ATP9A: variants seen among roughly 807,000 people sequenced by gnomAD.
ATP9A encodes probable phospholipid-transporting ATPase IIA.
ATP9A carries 52 observed loss-of-function variants against 144.1 expected under a neutral mutation model. The ratio of observed to expected loss-of-function variants is 0.36; its 90% confidence interval spans 0.29 to 0.45. ATP9A has a LOEUF of 0.45. Ranked by LOEUF, ATP9A falls within the 20% of genes least tolerant of loss-of-function variation. The pLI is 1.00. For missense variants in ATP9A, 947 were observed against 1,392.7 expected (o/e 0.68, Z 5.09); for synonymous variants, 582 against 557.4 (o/e 1.04, Z -0.62).
At chr20:51,713,975 C>T (rs765228663) in intron 3 of ATP9A, among the ~76,000 whole-genome samples, 4 of 151,620 alleles carry the variant, frequency 2.6e-5, no homozygotes, top group Non-Finnish European at 2.9e-5. Flanking sequence ...GGCTCGATCT[C>T]GGCTCACTGC....
chr20:51,756,482 G>A (rs2077856813), intron 1 of ATP9A, among the ~76,000 whole-genome samples: 1 of 151,978 alleles, frequency 6.6e-6, no homozygotes, highest in African/African-American at 2.4e-5. Context: ...GTAGAGATGG[G>A]ATATCACCAT....
rs2077183645 is a variant in ATP9A at position 51,611,216 on chromosome 20, C to T, written c.2572-1051G>A. On this transcript the variant is annotated intron_variant, in intron 23 of 27. Coordinates refer to ENST00000338821, the MANE Select transcript of ATP9A (RefSeq NM_006045.3). The surrounding 1 kb of genome is among the most constrained non-coding windows in gnomAD (Gnocchi z 4.2). ...ACCTTCAATGGACACAGAGAGAAAG[C>T]ATGTAAGAAACACGTGCTTTCTCGG... Among the ~76,000 whole-genome samples the T allele has an allele frequency of 2.0e-5, 3 of 152,200 alleles. No homozygotes were observed. Among genetic ancestry groups the T allele is most frequent in the African/African-American group, 7.2e-5 (3 of 41,452 alleles).
intron 10 of ATP9A, among the ~76,000 whole-genome samples, chr20:51,675,551 C>T (rs958019083): frequency 2.0e-5 from 3 of 152,146 alleles, no homozygotes; most frequent in African/African-American, 7.2e-5. Context: ...AAACACAAGG[C>T]GTGCAAACCG....
At chr20:51,648,113 C>A (rs1741525672) in intron 14 of ATP9A, among the ~76,000 whole-genome samples, 1 of 152,224 alleles carries the variant, frequency 6.6e-6, no homozygotes, top group Non-Finnish European at 1.5e-5. Flanking sequence ...CGAGCTCATT[C>A]ATGCACACAT....
chr20:51,601,803 G>A lies in ATP9A; in HGVS notation c.3008-456C>T, dbSNP rs559551543. Among the ~76,000 whole-genome samples the A allele has an allele frequency of 2.0e-5, 3 of 152,276 alleles. 1 individual carries two copies. In the South Asian group the frequency reaches 6.2e-4, roughly 32 times the overall value. ...TGCCTATAGTCCCAGCTGTTCAGGA[G>A]GCTGAGGTGGGAGGATCATCTGAGC... On this transcript the variant is annotated intron_variant, in intron 27 of 27. Transcript: ENST00000338821.
Position 51,597,342 on chromosome 20 carries a change from T to C in ATP9A, c.*3869A>G, listed in dbSNP as rs2077123434. 1 of 152,208 alleles carries C rather than the reference T, an allele frequency of 6.6e-6. No individual in the cohort carries two copies. The highest frequency in any genetic ancestry group is 2.4e-5 in the African/African-American group (1 of 41,450). 9.4% of individuals were successfully genotyped at this position (152,208 alleles called of 1,614,324 possible). On this transcript the variant is annotated 3_prime_UTR_variant, in exon 28 of 28. Transcript: ENST00000338821. The stretch of plus-strand genomic sequence containing the variant: ...AACTGGACATAATTCATGGGAATAT[T>C]TTAAGTATATATAAGTGGCAAAAAA...
chr20:51,610,189 G>A (rs1229463465), intron 23 of ATP9A, 24 bp from the exon 24 acceptor site: 1 of 1,562,224 alleles, frequency 6.4e-7, no homozygotes, highest in Non-Finnish European at 8.8e-7. Context: ...AGAGGAGGAT[G>A]TCACCAAAAG....
In ATP9A at chr20:51,604,871, G is replaced by T; in HGVS notation, c.2953C>A (p.Leu985Met). ...GCGATGTAGCAGGCCAGGCTGAGCA[G>T]CTCCGCCACTGTCATGAGCCAGTGC... The part of the protein sequence containing the change: ...TWHWLMTVAE[L>M]LSLACYIASL... The change falls in exon 27 of 28, where the codon CTG becomes ATG. Residue 985 changes from leucine (L) to methionine (M), a missense_variant. Leu to Met is a conservative substitution (Grantham distance 15, BLOSUM62 2). Around this residue, in one of 2 missense-constraint regions of ATP9A, gnomAD observed 177 missense variants for 344.9 expected, o/e 0.51. Transcript: ENST00000338821. 1 of 1,592,798 alleles carries T rather than the reference G, an allele frequency of 6.3e-7. No homozygotes were observed. Among genetic ancestry groups the T allele is most frequent in the Non-Finnish European group, 8.6e-7 (1 of 1,169,102 alleles).
chr20:51,719,748 G>T (rs917037516), intron 3 of ATP9A, among the ~76,000 whole-genome samples: 3 of 92,048 alleles, frequency 3.3e-5, no homozygotes, highest in African/African-American at 3.0e-5. Context: ...AAAAAAAAGG[G>T]GGGGGAAGAA....
At chr20:51,713,198 C>T (rs906217309) in intron 3 of ATP9A, 124 bp from the exon 4 acceptor site, 6 of 805,138 alleles carry the variant, frequency 7.5e-6, no homozygotes, top group Non-Finnish European at 1.2e-5. Flanking sequence ...GGGGCAGGAC[C>T]TGTGAGTTAT....
intron 9 of ATP9A, among the ~76,000 whole-genome samples, chr20:51,679,836 G>A (rs562740946): frequency 3.3e-5 from 5 of 152,294 alleles, no homozygotes; most frequent in South Asian, 2.1e-4. Flanking sequence ...GAGAATCAGC[G>A]TTTGGAAATT....
chr20:51,727,927 T>G (rs1270099377), intron 2 of ATP9A, among the ~76,000 whole-genome samples: 1 of 22,136 alleles, frequency 4.5e-5, no homozygotes. Context: ...GGAGACTCAG[T>G]CTCAAAAAAA....
At chr20:51,689,272 C>T in intron 8 of ATP9A, 133 bp from the exon 9 acceptor site, 5 of 800,510 alleles carry the variant, frequency 6.2e-6, no homozygotes, top group South Asian at 3.5e-5. Context: ...GTTTGGAAGC[C>T]GACGGCTCCA....
chr20:51,712,585 G>C (rs141829700), intron 4 of ATP9A, among the ~76,000 whole-genome samples: 57 of 152,336 alleles, frequency 3.7e-4, no homozygotes, highest in African/African-American at 1.4e-3. Context: ...ACTGCCAAAA[G>C]AGTATCTTTG....
chr20:51,745,114 T>TA (rs1440625223), intron 1 of ATP9A, among the ~76,000 whole-genome samples: 3 of 152,050 alleles, frequency 2.0e-5, no homozygotes, highest in Non-Finnish European at 4.4e-5. Flanking sequence ...CCGTCTCTAC[T>TA]AAAAATACAA....
At chr20:51,749,143 T>A (rs1024737520) in intron 1 of ATP9A, among the ~76,000 whole-genome samples, 3 of 152,154 alleles carry the variant, frequency 2.0e-5, no homozygotes, top group Non-Finnish European at 4.4e-5. Flanking sequence ...GGAGAATCAC[T>A]TGAACCCAGG....
At chr20:51,759,488 C>A (rs2077870096) in intron 1 of ATP9A, among the ~76,000 whole-genome samples, 1 of 152,156 alleles carries the variant, frequency 6.6e-6, no homozygotes, top group African/African-American at 2.4e-5. Flanking sequence ...GCATGGCCAA[C>A]AGGGCAAAAC....
At chr20:51,759,388 C>T (rs1395784682) in intron 1 of ATP9A, among the ~76,000 whole-genome samples, 2 of 152,188 alleles carry the variant, frequency 1.3e-5, no homozygotes, top group East Asian at 1.9e-4. Flanking sequence ...AATGTACACA[C>T]ACGGCCGGGT....
chr20:51,704,405 A>G (rs1315333034), intron 4 of ATP9A, among the ~76,000 whole-genome samples: 2 of 152,008 alleles, frequency 1.3e-5, no homozygotes, highest in Non-Finnish European at 2.9e-5. Flanking sequence ...TAATTAAACA[A>G]TAGATCAGTT....
Sources: allele counts gnomAD v4.1 joint callset (sites outside exome capture counted in the v4.1 genomes callset), GRCh38; gene constraint gnomAD v4.1.1; regional missense constraint gnomAD v4.1.1; non-coding constraint Gnocchi (gnomAD v3.1); transcripts MANE v1.5; gene names NCBI Gene and HGNC (gene_info 2026-07-23, HGNC 2026-07-21).